The following CDH1 variants were observed in gnomAD, a reference collection of about 807,000 sequenced individuals.
CDH1 encodes cadherin-1.
In CDH1, 35 loss-of-function variants were observed where a neutral mutation model predicts 84.5. The ratio of observed to expected loss-of-function variants is 0.41; its 90% CI spans 0.32 to 0.55. The LOEUF is 0.55. Ranked by LOEUF, CDH1 falls within the 20% of genes least tolerant of loss-of-function variation. CDH1 has a pLI of 0.19. For synonymous variants in CDH1, 417 were observed against 439.0 expected, an observed-to-expected ratio of 0.95 and a Z score of 0.63; for missense variants, 994 against 1,126.6, an observed-to-expected ratio of 0.88 and a Z score of 1.68.
chr16:68,780,281 C>G (rs1425003386), intron 2 of CDH1, among the ~76,000 whole-genome samples: 1 of 152,064 alleles, frequency 6.6e-6, no homozygotes, highest in Non-Finnish European at 1.5e-5. Context: ...TCCTTCCTCC[C>G]TGTTTATTTT....
rs146542405 is a variant in CDH1, at chr16:68,812,006, G to A, written c.1009-129G>A. ...ATCTAAGCTTGTGCCCAGAGGTTCC[G>A]TGCCTAGAAGACAGGCAGGCTGGCA... is the stretch of plus-strand genomic sequence containing the variant. On this transcript the variant is annotated intron_variant, in intron 7 of 15. Coordinates refer to ENST00000261769, the MANE Select transcript of CDH1 (RefSeq NM_004360.5). 8.5e-5 allele frequency: 127 copies of A among 1,490,656 alleles called. No individual in the cohort carries two copies. In the African/African-American group the frequency reaches 1.2e-3, roughly 14 times the overall value. The allele number at this position is 1,490,656 out of a possible 1,614,324, so 92.3% of individuals were successfully genotyped here.
At chr16:68,786,506 G>C (rs1345160140) in intron 2 of CDH1, among the ~76,000 whole-genome samples, 1 of 129,378 alleles carries the variant, frequency 7.7e-6, no homozygotes, top group Non-Finnish European at 1.6e-5. Flanking sequence ...CCCAGTCTGA[G>C]ATCTTTCTGC....
intron 2 of CDH1, among the ~76,000 whole-genome samples, chr16:68,780,674 C>T (rs769503627): frequency 1.3e-5 from 2 of 152,144 alleles, no homozygotes; most frequent in Non-Finnish European, 2.9e-5. Context: ...CCCAGGAGAA[C>T]AGTGCTGATG....
intron 2 of CDH1, among the ~76,000 whole-genome samples, chr16:68,800,180 A>T (rs1960460580): frequency 6.6e-6 from 1 of 151,842 alleles, no homozygotes; most frequent in Non-Finnish European, 1.5e-5. Context: ...TCTCTATGAA[A>T]ATATTATTTA....
In CDH1 at chr16:68,811,817, C is replaced by T. The variant is rs1555515654; in HGVS notation, c.966C>T (p.Asn322=). 1 of 1,614,162 alleles carries T rather than the reference C, an allele frequency of 6.2e-7. No homozygotes were observed. Among genetic ancestry groups the T allele is most frequent in the Non-Finnish European group, 8.5e-7 (1 of 1,180,030 alleles). The part of the protein sequence containing the change: ...PDKNMFTINR[N]TGVISVVTTG... The stretch of plus-strand genomic sequence containing the variant: ...AAAATATGTTCACCATTAACAGGAA[C>T]ACAGGAGTCATCAGTGTGGTCACCA... Residue 322 remains asparagine, a synonymous_variant, in exon 7 of 16, where the codon AAC becomes AAT. Transcript: ENST00000261769.
chr16:68,803,220 C>G (rs1172497212), intron 3 of CDH1, among the ~76,000 whole-genome samples: 1 of 152,128 alleles, frequency 6.6e-6, no homozygotes, highest in African/African-American at 2.4e-5. Context: ...TCCTCCCGAT[C>G]TGATTTTTCT....
intron 2 of CDH1, among the ~76,000 whole-genome samples, chr16:68,763,099 A>G (rs915892343): frequency 5.9e-5 from 9 of 152,086 alleles, no homozygotes; most frequent in African/African-American, 1.7e-4. Flanking sequence ...AAAGCGTTCA[A>G]TTCCCCTGCT....
intron 2 of CDH1, among the ~76,000 whole-genome samples, chr16:68,743,190 C>T (rs1012001330): frequency 3.3e-5 from 5 of 152,202 alleles, no homozygotes; most frequent in Non-Finnish European, 2.9e-5. Flanking sequence ...GCCCCAGATA[C>T]GCCAGAGGCT....
At chr16:68,762,891 C>CA (rs1428627923) in intron 2 of CDH1, among the ~76,000 whole-genome samples, 1 of 117,008 alleles carries the variant, frequency 8.5e-6, no homozygotes, top group African/African-American at 3.3e-5. Flanking sequence ...CCAGCCTCGG[C>CA]AACAGAGCAA....
At chr16:68,831,545 T>TATTTTC (rs949219468) in intron 15 of CDH1, among the ~76,000 whole-genome samples, 1 of 151,722 alleles carries the variant, frequency 6.6e-6, no homozygotes, top group African/African-American at 2.4e-5. Context: ...TTTTTATTTT[T>TATTTTC]ATTTTCATTT....
intron 2 of CDH1, among the ~76,000 whole-genome samples, chr16:68,771,488 T>TGTAATCC (rs1959571345): frequency 1.3e-5 from 2 of 149,740 alleles, no homozygotes; most frequent in African/African-American, 4.9e-5. Context: ...GCGCGGTGGC[T>TGTAATCC]CACGCCTGTA....
intron 2 of CDH1, among the ~76,000 whole-genome samples, chr16:68,748,988 CA>C (rs1194970085): frequency 5.3e-5 from 8 of 152,218 alleles, no homozygotes; most frequent in Admixed American, 3.3e-4. Flanking sequence ...CAGGTGCCTG[CA>C]ACCATGACTG....
At chr16:68,817,019 T>C in intron 10 of CDH1, among the ~76,000 whole-genome samples, 1 of 152,126 alleles carries the variant, frequency 6.6e-6, no homozygotes, top group Non-Finnish European at 1.5e-5. Context: ...AGGGACCAGG[T>C]CTTTAGTGTC....
At chr16:68,808,627 G>A (rs2152129940) in intron 4 of CDH1, 60 bp downstream of exon 4, 1 of 1,613,482 alleles carries the variant, frequency 6.2e-7, no homozygotes, top group Non-Finnish European at 8.5e-7. Context: ...ACCAAGGAGA[G>A]AAAGGGAAAA....
rs34182664 is a variant in CDH1, at chr16:68,834,418, T to C, written c.*919T>C. On this transcript the variant is annotated 3_prime_UTR_variant, in exon 16 of 16. Transcript: ENST00000261769. ...TTTTTGTACAGATGGGGTCTTGCTA[T>C]GTTGCCCAAGCTGGTCTTAAACTCC... 17 of 372,596 alleles carry C rather than the reference T, an allele frequency of 4.6e-5. No individual in the cohort carries two copies. The highest frequency in any genetic ancestry group is 2.3e-4 in the African/African-American group (11 of 47,992). The allele number at this position is 372,596 out of a possible 1,614,324, so 23.1% of individuals were successfully genotyped here. A position where few individuals can be genotyped will look rare whatever the true frequency, so the allele number is the denominator to read the frequency against.
intron 9 of CDH1, among the ~76,000 whole-genome samples, chr16:68,814,979 A>G (rs1960944082): frequency 6.6e-6 from 1 of 151,446 alleles, no homozygotes; most frequent in South Asian, 2.1e-4. Flanking sequence ...TAATCCCAAC[A>G]CTTTGGGAGG....
At chr16:68,750,150 CTT>C (rs34551002) in intron 2 of CDH1, among the ~76,000 whole-genome samples, 1 of 79,092 alleles carries the variant, frequency 1.3e-5, no homozygotes, top group Non-Finnish European at 2.6e-5. Context: ...TAGAATTCAG[CTT>C]TTTTTTTTGC....
Position 68,833,309 on chromosome 16 carries a change from C to T in CDH1, c.2459C>T (p.Thr820Ile), listed in dbSNP as rs767159815. The T allele has an allele frequency of 2.5e-6, 4 of 1,614,146 alleles. No individual in the cohort carries two copies. The Admixed American group carries it at 5.0e-5, about 20-fold the overall frequency. Reference sequence around the variant, plus strand: ...CTTTAGAATCTGAAAGCGGCTGATACTGACCCCACAGCCCCGCCTTATGAT... The same window carrying T: ...CTTTAGAATCTGAAAGCGGCTGATATTGACCCCACAGCCCCGCCTTATGAT... The part of the protein sequence containing the change: ...FIDENLKAAD[T>I]DPTAPPYDSL... Residue 820 changes from threonine (T) to isoleucine (I), a missense_variant, in exon 16 of 16, where the codon ACT (threonine) becomes ATT (isoleucine). Transcript: ENST00000261769.
At chr16:68,777,405 A>C (rs1959760866) in intron 2 of CDH1, among the ~76,000 whole-genome samples, 2 of 152,208 alleles carry the variant, frequency 1.3e-5, no homozygotes, top group Non-Finnish European at 2.9e-5. Context: ...TGACTAATAT[A>C]AGCCTGGCAT....
Sources: allele counts gnomAD v4.1 joint callset (sites outside exome capture counted in the v4.1 genomes callset), GRCh38; gene constraint gnomAD v4.1.1; transcripts MANE v1.5; gene names NCBI Gene and HGNC (gene_info 2026-07-23, HGNC 2026-07-21).